Variants in LRRC4C observed in about 807,000 individuals in gnomAD.
LRRC4C encodes leucine rich repeat containing 4C, also known as leucine-rich repeat-containing protein 4C.
In LRRC4C, 5 loss-of-function variants were observed where a neutral mutation model predicts 33.6. The observed-to-expected ratio is 0.15, with a 90% CI of 0.08 to 0.31. The LOEUF (loss-of-function observed/expected upper bound fraction) is 0.31. LRRC4C is among the 10% of genes least tolerant of loss of function. The pLI is 1.00. For missense variants in LRRC4C, 560 were observed against 796.7 expected (o/e 0.70, Z 3.58); for synonymous variants, 329 against 302.0 (o/e 1.09, Z -0.93).
chr11:41,304,687 C>G (rs1261358619), intron 1 of LRRC4C, among the ~76,000 whole-genome samples: 1 of 99,228 alleles, frequency 1.0e-5, no homozygotes, highest in African/African-American at 3.8e-5. Flanking sequence ...GTCAGCCCCC[C>G]GCCCGGCCAG....
At chr11:40,543,592 A>T (rs530729718) in intron 3 of LRRC4C, among the ~76,000 whole-genome samples, 1 of 152,236 alleles carries the variant, frequency 6.6e-6, no homozygotes, top group African/African-American at 2.4e-5. Flanking sequence ...AGGCAGCTGG[A>T]TGGCAAACAA....
chr11:41,164,789 C>A (rs1944642769), intron 1 of LRRC4C, among the ~76,000 whole-genome samples: 2 of 152,014 alleles, frequency 1.3e-5, no homozygotes, highest in Non-Finnish European at 1.5e-5. Flanking sequence ...GGTCTAAAAC[C>A]CCTTGTGGCC....
At chr11:40,861,408 A>G (rs1406363752) in intron 2 of LRRC4C, among the ~76,000 whole-genome samples, 1 of 152,124 alleles carries the variant, frequency 6.6e-6, no homozygotes, top group African/African-American at 2.4e-5. Flanking sequence ...GGATGTGTGA[A>G]ATTTATTATT....
chr11:40,969,066 T>A (rs1169333625), intron 1 of LRRC4C, among the ~76,000 whole-genome samples: 1 of 152,128 alleles, frequency 6.6e-6, no homozygotes, highest in African/African-American at 2.4e-5. Flanking sequence ...TCATGATTCA[T>A]GAAAAGAGGT....
chr11:40,498,459 G>A (rs960994734), intron 3 of LRRC4C, among the ~76,000 whole-genome samples: 8 of 152,042 alleles, frequency 5.3e-5, no homozygotes, highest in Non-Finnish European at 7.4e-5. Flanking sequence ...TTCTCCAAAT[G>A]GTTTCATTAC....
At chr11:41,081,392 A>G (rs1428194451) in intron 1 of LRRC4C, among the ~76,000 whole-genome samples, 1 of 152,236 alleles carries the variant, frequency 6.6e-6, no homozygotes, top group African/African-American at 2.4e-5. Context: ...GGTCCCACAA[A>G]GATGCAGCAG....
chr11:41,147,379 T>C (rs1310432221), intron 1 of LRRC4C, among the ~76,000 whole-genome samples: 1 of 152,160 alleles, frequency 6.6e-6, no homozygotes, highest in Admixed American at 6.5e-5. Flanking sequence ...CAAAACCCCA[T>C]GACATAAAAT....
intron 3 of LRRC4C, among the ~76,000 whole-genome samples, chr11:40,407,043 C>T (rs1242616133): frequency 6.6e-6 from 1 of 151,968 alleles, no homozygotes; most frequent in Non-Finnish European, 1.5e-5. Flanking sequence ...TGTCTTTTAC[C>T]TAGGTTTTCA....
intron 1 of LRRC4C, among the ~76,000 whole-genome samples, chr11:40,965,343 C>A (rs1851274440): frequency 6.6e-6 from 1 of 152,054 alleles, no homozygotes; most frequent in Non-Finnish European, 1.5e-5. Context: ...ATGGTGGTTT[C>A]TTTTGCTGTG....
chr11:41,378,097 T>G (rs533191636), intron 1 of LRRC4C, among the ~76,000 whole-genome samples: 1 of 151,970 alleles, frequency 6.6e-6, no homozygotes, highest in South Asian at 2.1e-4. Flanking sequence ...TCTGCAGAAA[T>G]GTACTTAATT....
At chr11:40,810,402 G>A (rs984315792) in intron 2 of LRRC4C, among the ~76,000 whole-genome samples, 1 of 152,116 alleles carries the variant, frequency 6.6e-6, no homozygotes, top group Non-Finnish European at 1.5e-5. Flanking sequence ...GCCCTCATCA[G>A]TTTTTTATCT....
chr11:41,177,254 A>G (rs962430493), intron 1 of LRRC4C, among the ~76,000 whole-genome samples: 2 of 152,206 alleles, frequency 1.3e-5, no homozygotes, highest in Admixed American at 6.5e-5. Context: ...ATGTTCATCA[A>G]CGGGGAATAA....
At chr11:41,348,841 C>T (rs1049900284) in intron 1 of LRRC4C, among the ~76,000 whole-genome samples, 1 of 152,138 alleles carries the variant, frequency 6.6e-6, no homozygotes, top group Non-Finnish European at 1.5e-5. Flanking sequence ...CTGCAGGAGA[C>T]TGGACAACCC....
intron 3 of LRRC4C, among the ~76,000 whole-genome samples, chr11:40,413,573 A>G (rs933022529): frequency 2.0e-5 from 3 of 152,144 alleles, no homozygotes; most frequent in African/African-American, 7.2e-5. Context: ...GTGGTGCTTC[A>G]TATATTCTAC....
chr11:41,449,482 A>G (rs76481465), intron 1 of LRRC4C, among the ~76,000 whole-genome samples: 1 of 152,128 alleles, frequency 6.6e-6, no homozygotes, highest in Non-Finnish European at 1.5e-5. Context: ...GCAAAAAAAA[A>G]TGTCCCTATA....
intron 1 of LRRC4C, among the ~76,000 whole-genome samples, chr11:40,990,638 C>T (rs756304785): frequency 3.3e-5 from 5 of 152,030 alleles, no homozygotes; most frequent in South Asian, 2.1e-4. Context: ...TTTTACATTG[C>T]GTTGACATTC....
At chr11:40,359,117 T>G (rs1320727148) in intron 3 of LRRC4C, among the ~76,000 whole-genome samples, 1 of 152,152 alleles carries the variant, frequency 6.6e-6, no homozygotes, top group African/African-American at 2.4e-5. Context: ...ATGTGTCGGG[T>G]ATGTTTAAGC....
At chr11:40,194,881 G>T (rs899405882) in intron 5 of LRRC4C, among the ~76,000 whole-genome samples, 3 of 151,986 alleles carry the variant, frequency 2.0e-5, no homozygotes, top group African/African-American at 7.3e-5. Context: ...GAGGTCAGGA[G>T]ATCCAGACCA....
intron 1 of LRRC4C, among the ~76,000 whole-genome samples, chr11:41,217,348 C>A (rs1483744500): frequency 6.6e-6 from 1 of 152,012 alleles, no homozygotes; most frequent in African/African-American, 2.4e-5. Flanking sequence ...ATTTTTAAAG[C>A]AGGACTTCAA....
Sources: allele counts gnomAD v4.1 joint callset (sites outside exome capture counted in the v4.1 genomes callset), GRCh38; gene constraint gnomAD v4.1.1; transcripts MANE v1.5; gene names NCBI Gene and HGNC (gene_info 2026-07-23, HGNC 2026-07-21).